The following ROBO1 variants were observed in gnomAD, a reference collection of about 807,000 sequenced individuals.
The protein encoded by ROBO1 is roundabout homolog 1.
In ROBO1, 149 loss-of-function variants were observed where a neutral mutation model predicts 195.9. The ratio of observed to expected loss-of-function variants is 0.76; its 90% confidence interval spans 0.67 to 0.87. The LOEUF (loss-of-function observed/expected upper bound fraction) is 0.87. ROBO1 is among the 40% of genes least tolerant of loss of function. ROBO1 has a pLI of 0.00. For missense variants in ROBO1, 1,933 were observed against 2,068.3 expected (o/e 0.93, Z 1.27); for synonymous variants, 816 against 733.2 (o/e 1.11, Z -1.82).
intron 1 of ROBO1, among the ~76,000 whole-genome samples, chr3:79,757,266 G>T (rs73849833): frequency 6.6e-6 from 1 of 151,998 alleles, no homozygotes; most frequent in African/African-American, 2.4e-5. Context: ...ACCACTTCAC[G>T]TTTCCACCAG....
chr3:78,862,912 G>A (rs1277068271), intron 4 of ROBO1, among the ~76,000 whole-genome samples: 2 of 152,094 alleles, frequency 1.3e-5, no homozygotes, highest in African/African-American at 4.8e-5. Context: ...CCAATTAGTT[G>A]AGAAATAGCA....
At chr3:78,974,737 G>A (rs1346589474) in intron 3 of ROBO1, among the ~76,000 whole-genome samples, 1 of 152,044 alleles carries the variant, frequency 6.6e-6, no homozygotes, top group Non-Finnish European at 1.5e-5. Context: ...TCCCTCTGCT[G>A]ATTTTCTTTC....
intron 10 of ROBO1, among the ~76,000 whole-genome samples, chr3:78,677,867 A>G (rs1708535878): frequency 1.3e-5 from 2 of 151,796 alleles, no homozygotes; most frequent in African/African-American, 4.8e-5. Flanking sequence ...TCAACAGAAT[A>G]TACATTTTTT....
At position 79,280,750 on chromosome 3, in the gene ROBO1, G is replaced by C. The variant is rs536291699; in HGVS notation, c.89-155211C>G. On this transcript the variant is annotated intron_variant, in intron 2 of 30. Coordinates refer to ENST00000464233, the MANE Select transcript of ROBO1 (RefSeq NM_002941.4). Reference sequence around the variant, plus strand: ...TCATCCCGAACAGTTTCAAGCATTCGATTGACCTCAGATCATCAAGCATTC... The same window carrying C: ...TCATCCCGAACAGTTTCAAGCATTCCATTGACCTCAGATCATCAAGCATTC... Among the ~76,000 whole-genome samples, 20 of 152,234 alleles carry C rather than the reference G, an allele frequency of 1.3e-4. No homozygotes were observed. In the South Asian group the frequency reaches 2.5e-3, roughly 19 times the overall value.
At chr3:79,411,382 A>G (rs771670520) in intron 2 of ROBO1, among the ~76,000 whole-genome samples, 6 of 152,192 alleles carry the variant, frequency 3.9e-5, no homozygotes, top group Non-Finnish European at 8.8e-5. Context: ...TTCCATACAA[A>G]GTGAATAAAC....
chr3:78,921,069 A>G (rs1319614033), intron 4 of ROBO1, among the ~76,000 whole-genome samples: 1 of 152,162 alleles, frequency 6.6e-6, no homozygotes, highest in African/African-American at 2.4e-5. Flanking sequence ...AATTGTTCTG[A>G]GGATGTAGTA....
At chr3:79,598,888 A>T (rs1391176199) in intron 1 of ROBO1, among the ~76,000 whole-genome samples, 1 of 152,028 alleles carries the variant, frequency 6.6e-6, no homozygotes, top group African/African-American at 2.4e-5. Flanking sequence ...TGCCTGCAAC[A>T]TCCTAGCTAA....
At chr3:79,701,294 C>T (rs554511884) in intron 1 of ROBO1, among the ~76,000 whole-genome samples, 6 of 151,514 alleles carry the variant, frequency 4.0e-5, no homozygotes, top group Non-Finnish European at 5.9e-5. Flanking sequence ...TTTAGGATTG[C>T]TTTGGGTATT....
intron 1 of ROBO1, among the ~76,000 whole-genome samples, chr3:79,760,612 G>A (rs1704648289): frequency 1.4e-4 from 13 of 91,364 alleles, no homozygotes; most frequent in South Asian, 2.9e-4. Context: ...GCAATTCACA[G>A]CAAAAAAAAA....
chr3:78,972,790 C>G (rs951589586), intron 3 of ROBO1, among the ~76,000 whole-genome samples: 42 of 152,096 alleles, frequency 2.8e-4, no homozygotes, highest in African/African-American at 9.4e-4. Context: ...CAGTGGTAAG[C>G]AAAGGCCTCA....
intron 3 of ROBO1, among the ~76,000 whole-genome samples, chr3:78,952,645 A>C (rs1161406640): frequency 6.6e-6 from 1 of 151,944 alleles, no homozygotes; most frequent in Non-Finnish European, 1.5e-5. Flanking sequence ...ACACATTTCC[A>C]AATACTCATG....
At chr3:79,526,411 G>C (rs754939938) in intron 2 of ROBO1, 6 of 152,178 alleles carry the variant, frequency 3.9e-5, no homozygotes, top group Non-Finnish European at 7.3e-5. Flanking sequence ...GCTATGTCCT[G>C]AATTGAGTGC....
At chr3:79,547,034 A>C (rs1388393619) in intron 2 of ROBO1, among the ~76,000 whole-genome samples, 1 of 151,344 alleles carries the variant, frequency 6.6e-6, no homozygotes, top group Non-Finnish European at 1.5e-5. Flanking sequence ...ACAAAAACAA[A>C]ATTAGCCGGG....
chr3:79,701,696 G>A (rs757648499), intron 1 of ROBO1, among the ~76,000 whole-genome samples: 31 of 151,548 alleles, frequency 2.0e-4, no homozygotes, highest in Non-Finnish European at 4.6e-4. Context: ...CCAATACACA[G>A]CAACACATGG....
chr3:79,209,573 C>G (rs2081934724), intron 2 of ROBO1, among the ~76,000 whole-genome samples: 1 of 152,066 alleles, frequency 6.6e-6, no homozygotes, highest in African/African-American at 2.4e-5. Flanking sequence ...TTTAAGGAAA[C>G]TCCATACTGT....
chr3:79,134,243 T>C (rs2080353921), intron 2 of ROBO1, among the ~76,000 whole-genome samples: 1 of 132,538 alleles, frequency 7.5e-6, no homozygotes, highest in Non-Finnish European at 1.6e-5. Flanking sequence ...GAACAGACAC[T>C]TCTCAAAAGA....
At chr3:79,669,793 A>G (rs909343598) in intron 1 of ROBO1, among the ~76,000 whole-genome samples, 4 of 151,950 alleles carry the variant, frequency 2.6e-5, no homozygotes, top group African/African-American at 9.7e-5. Flanking sequence ...GGCATTTCAA[A>G]TTACTGAGGA....
Position 78,684,504 on chromosome 3 carries a change from C to T in ROBO1, c.1342+1242G>A, listed in dbSNP as rs1044099839. 5.9e-5 allele frequency among the ~76,000 whole-genome samples: 9 copies of T among 152,122 alleles called. No homozygotes were observed. In the East Asian group the frequency reaches 1.4e-3, roughly 23 times the overall value. On this transcript the variant is annotated intron_variant, in intron 10 of 30. Transcript: ENST00000464233. ...AAGCTGCATTAGTTTACTTACTTCA[C>T]GGCATGCGTATTATACTTCAGTTTA...
chr3:79,408,109 G>A (rs1478498910), intron 2 of ROBO1, among the ~76,000 whole-genome samples: 2 of 151,934 alleles, frequency 1.3e-5, no homozygotes, highest in Non-Finnish European at 2.9e-5. Flanking sequence ...CCAGCTACTC[G>A]GGAGGCTGAG....
Sources: allele counts gnomAD v4.1 joint callset (sites outside exome capture counted in the v4.1 genomes callset), GRCh38; gene constraint gnomAD v4.1.1; transcripts MANE v1.5; gene names NCBI Gene and HGNC (gene_info 2026-07-23, HGNC 2026-07-21).